Variants in TFB1M observed in about 807,000 individuals in gnomAD.
TFB1M encodes the protein transcription factor B1, mitochondrial.
In TFB1M, 27 loss-of-function variants were observed where a neutral mutation model predicts 31.1. The observed-to-expected ratio is 0.87, with a 90% CI of 0.64 to 1.20. The LOEUF is 1.20. Among genes scored for constraint, TFB1M ranks in the 50% most tolerant of loss-of-function variants. The pLI is 0.00. For missense variants in TFB1M, 394 were observed against 418.7 expected, an observed-to-expected ratio of 0.94 and a Z score of 0.51; for synonymous variants, 166 against 151.8, an observed-to-expected ratio of 1.09 and a Z score of -0.69.
chr6:155,232,997 C>A, the TFB1M span: 5 of 152,288 alleles, frequency 3.3e-5, no homozygotes, highest in Admixed American at 2.6e-4. Flanking sequence ...CCAAGCAACA[C>A]AAACAGGTGC....
At chr6:155,277,809 C>T (rs1468854073) in intron 5 of TFB1M, among the ~76,000 whole-genome samples, 1 of 152,124 alleles carries the variant, frequency 6.6e-6, no homozygotes. Flanking sequence ...AATTCTGATG[C>T]AAAGAATGAT....
intron 4 of TFB1M, among the ~76,000 whole-genome samples, chr6:155,289,617 T>C (rs1776812757): frequency 6.6e-6 from 1 of 152,220 alleles, no homozygotes; most frequent in African/African-American, 2.4e-5. Context: ...TTCTGTTTTG[T>C]AATTAACAAA....
Position 155,257,845 on chromosome 6 carries a change from G to GTAAT in TFB1M, c.1028_1031dup (p.Tyr344Ter), listed in dbSNP as rs770422454. On this transcript the variant is annotated stop_gained and frameshift_variant, in exon 7 of 7. Transcript: ENST00000367166. LOFTEE classifies it high-confidence loss of function. ...CGCCCCCAGGCAGCAGCTAGAGTCTGTAATTCTCTGCGTCATCCTCTTCTT... is the reference window on the plus strand; with the variant it reads ...CGCCCCCAGGCAGCAGCTAGAGTCTGTAATTAATTCTCTGCGTCATCCTCTTCTT... 2.2e-5 allele frequency: 36 copies of GTAAT among 1,614,024 alleles called. No homozygotes were observed. Among genetic ancestry groups the GTAAT allele is most frequent in the Non-Finnish European group, 2.8e-5 (33 of 1,179,996 alleles).
At chr6:155,266,981 T>G (rs1784677214) in intron 5 of TFB1M, among the ~76,000 whole-genome samples, 2 of 150,146 alleles carry the variant, frequency 1.3e-5, no homozygotes, top group South Asian at 4.2e-4. Context: ...TTTTTTTTTT[T>G]TTTTTTGAGA....
At chr6:155,277,566 C>A (rs1331684720) in intron 5 of TFB1M, among the ~76,000 whole-genome samples, 3 of 152,170 alleles carry the variant, frequency 2.0e-5, no homozygotes, top group Non-Finnish European at 4.4e-5. Context: ...AAATAACTTT[C>A]ATTTGTGCAT....
At chr6:155,233,973 A>C in the TFB1M span, among the ~76,000 whole-genome samples, 1 of 143,700 alleles carries the variant, frequency 7.0e-6, no homozygotes, top group South Asian at 2.4e-4. Context: ...AAAAAAACAA[A>C]ACAAAAACAA....
chr6:155,254,270 T>C, downstream of TFB1M: 2 of 1,077,492 alleles, frequency 1.9e-6, no homozygotes, highest in Non-Finnish European at 1.3e-6. Context: ...CACCTCCTTC[T>C]GTACGGGAGG....
intron 4 of TFB1M, among the ~76,000 whole-genome samples, chr6:155,293,129 C>A (rs896444820): frequency 6.6e-6 from 1 of 151,722 alleles, no homozygotes; most frequent in African/African-American, 2.4e-5. Context: ...TGAGCCAGCA[C>A]GCCTGGCCAA....
the TFB1M span, among the ~76,000 whole-genome samples, chr6:155,242,461 G>A: frequency 6.6e-6 from 1 of 152,198 alleles, no homozygotes; most frequent in Non-Finnish European, 1.5e-5. Flanking sequence ...GGTCTGGCGT[G>A]GAATATGGTG....
chr6:155,248,356 G>A, the TFB1M span, among the ~76,000 whole-genome samples: 16 of 152,354 alleles, frequency 1.1e-4, no homozygotes, highest in Admixed American at 8.5e-4. Context: ...CTAGCTAGGC[G>A]TCTGGGCACT....
chr6:155,307,694 A>G (rs1218015449), intron 2 of TFB1M, among the ~76,000 whole-genome samples: 1 of 152,144 alleles, frequency 6.6e-6, no homozygotes. Context: ...GAAGCCTTTA[A>G]AACAGTGCTG....
downstream of TFB1M, chr6:155,254,483 C>A: frequency 1.2e-6 from 2 of 1,614,094 alleles, no homozygotes; most frequent in Non-Finnish European, 1.7e-6. Flanking sequence ...GAACTTCAGG[C>A]GTCACATAAA....
At chr6:155,236,170 G>A in the TFB1M span, among the ~76,000 whole-genome samples, 1 of 151,882 alleles carries the variant, frequency 6.6e-6, no homozygotes, top group Non-Finnish European at 1.5e-5. Flanking sequence ...GAACACCAGA[G>A]TCATGGCTGT....
At chr6:155,284,787 T>C (rs1412145388) in intron 5 of TFB1M, among the ~76,000 whole-genome samples, 1 of 152,234 alleles carries the variant, frequency 6.6e-6, no homozygotes, top group Non-Finnish European at 1.5e-5. Flanking sequence ...GATGTAGCTT[T>C]AGTTAGAGGT....
At chr6:155,245,565 A>G in the TFB1M span, 1 of 1,413,480 alleles carries the variant, frequency 7.1e-7, no homozygotes, top group Non-Finnish European at 1.0e-6. Context: ...CAAATGCCAT[A>G]AGCCAGCACG....
Position 155,257,999 on chromosome 6 carries a change from C to T in TFB1M, c.878G>A (p.Arg293His), listed in dbSNP as rs201634865. Reference sequence around the variant, plus strand: ...CTTAAAGTGTGAGATGGAGAGCTGGCGGGGCCGAAGAGTAGGGTCTATGTC... The same window carrying T: ...CTTAAAGTGTGAGATGGAGAGCTGGTGGGGCCGAAGAGTAGGGTCTATGTC... Reference protein sequence around the residue: ...LADIDPTLRPRQLSISHFKSL... With the variant: ...LADIDPTLRPHQLSISHFKSL... The change falls in exon 7 of 7, where the codon CGC (arginine) becomes CAC (histidine). Residue 293 changes from arginine (R) to histidine (H), a missense_variant. Physicochemically the swap from Arg to His is conservative, Grantham distance 29. This residue lies in a region of TFB1M where 115 missense variants were observed against 144.1 expected (regional missense o/e 0.80). Coordinates refer to ENST00000367166, the MANE Select transcript of TFB1M (RefSeq NM_016020.4). 4.3e-5 allele frequency: 69 copies of T among 1,614,192 alleles called. No individual in the cohort carries two copies. The East Asian group carries it at 7.4e-4, about 17-fold the overall frequency.
chr6:155,264,389 A>T (rs1266661982), intron 5 of TFB1M: 1 of 152,218 alleles, frequency 6.6e-6, no homozygotes, highest in Non-Finnish European at 1.5e-5. Flanking sequence ...GTGAATGTAG[A>T]TCACATTTTC....
At position 155,270,682 on chromosome 6, in the gene TFB1M, G is replaced by A. The variant is rs537866384; in HGVS notation, c.667-10282C>T. Among the ~76,000 whole-genome samples, 7 of 152,276 alleles carry A rather than the reference G, an allele frequency of 4.6e-5. No individual in the cohort carries two copies. The South Asian group carries it at 6.2e-4, about 14-fold the overall frequency. On this transcript the variant is annotated intron_variant, in intron 5 of 6. Coordinates refer to ENST00000367166, the MANE Select transcript of TFB1M (RefSeq NM_016020.4). ...TCCAGCCAGCTTCCTTATGCTAGAG[G>A]TTAGAGTGGGGAGCAGCCGGGTCCC...
chr6:155,261,360 G>C (rs1784385524), intron 5 of TFB1M, among the ~76,000 whole-genome samples: 1 of 152,172 alleles, frequency 6.6e-6, no homozygotes, highest in Non-Finnish European at 1.5e-5. Context: ...TAGGAGGTGT[G>C]GGCTGCACCA....
Sources: allele counts gnomAD v4.1 joint callset (sites outside exome capture counted in the v4.1 genomes callset), GRCh38; gene constraint gnomAD v4.1.1; regional missense constraint gnomAD v4.1.1; transcripts MANE v1.5; gene names NCBI Gene and HGNC (gene_info 2026-07-23, HGNC 2026-07-21).